Variants in IL34 observed in about 807,000 individuals in gnomAD.
IL34 encodes interleukin 34, also known as interleukin-34.
A neutral mutation model predicts 25.3 loss-of-function variants in IL34; 17 were observed. The ratio of observed to expected loss-of-function variants is 0.67; its 90% CI spans 0.46 to 1.01. IL34 has a LOEUF of 1.01. IL34 is among the 50% of genes least tolerant of loss of function. The pLI, the probability that IL34 is intolerant of heterozygous loss-of-function variation, is 0.00. For missense variants in IL34, 368 were observed against 312.9 expected (o/e 1.18, Z -1.33); for synonymous variants, 174 against 140.9 (o/e 1.23, Z -1.66).
Position 70,660,313 on chromosome 16 carries a change from T to G in IL34, c.*126T>G. 1.2e-6 allele frequency: 1 copy of G among 864,938 alleles called. No homozygotes were observed. Among genetic ancestry groups the G allele is most frequent in the East Asian group, 2.9e-5 (1 of 34,920 alleles). The allele number at this position is 864,938 out of a possible 1,614,324, so 53.6% of individuals were successfully genotyped here. On this transcript the variant is annotated 3_prime_UTR_variant, in exon 6 of 6. Transcript: ENST00000288098. ...GGGAGAGGACCCCTGGGAAGGGTGT[T>G]TTTCCTTTGAGGGGGATTCTGTGCC...
intron 1 of IL34, among the ~76,000 whole-genome samples, chr16:70,636,965 C>T (rs1487613488): frequency 3.3e-5 from 5 of 151,618 alleles, no homozygotes; most frequent in African/African-American, 7.3e-5. Context: ...CTGCAAGTTC[C>T]GCCTCCCAGG....
chr16:70,645,909 C>T (rs986730492), upstream of IL34, among the ~76,000 whole-genome samples: 1 of 152,046 alleles, frequency 6.6e-6, no homozygotes, highest in South Asian at 2.1e-4. Context: ...AAAAATTAGC[C>T]AGGCATGGTA....
chr16:70,630,036 CCTT>C, intron 1 of IL34, among the ~76,000 whole-genome samples: 1 of 152,176 alleles, frequency 6.6e-6, no homozygotes, highest in East Asian at 1.9e-4. Flanking sequence ...TGGTAACTGT[CCTT>C]CTACTCTCTA....
Position 70,590,663 on chromosome 16 carries a change from T to C in IL34, c.-401+10614T>C, listed in dbSNP as rs117065298. Among the ~76,000 whole-genome samples the C allele has an allele frequency of 2.6e-3, 399 of 152,268 alleles. 13 individuals are homozygous for C. In the East Asian group the frequency reaches 0.05, roughly 19 times the overall value. ...CAGGCTTGATCTCAAATCCTCACCA[T>C]AGCCCTGTGCGGTAGGGGCTGTCAA... On this transcript the variant is annotated intron_variant, in intron 1 of 6. Coordinates refer to the IL34 transcript ENST00000429149.
intron 1 of IL34, among the ~76,000 whole-genome samples, chr16:70,620,998 C>G (rs894179949): frequency 6.6e-5 from 10 of 152,030 alleles, no homozygotes; most frequent in Admixed American, 3.3e-4. Context: ...TCCAGAAAAG[C>G]AGAGAAGGGG....
chr16:70,627,532 AGCACAGTGGTGCT>A (rs777750618), intron 1 of IL34, among the ~76,000 whole-genome samples: 21 of 150,056 alleles, frequency 1.4e-4, no homozygotes, highest in Non-Finnish European at 2.5e-4. Context: ...CCCAGGCTAG[AGCACAGTGGTGCT>A]ATCTAGGCTC....
At chr16:70,643,546 A>T (rs1405618368), upstream of IL34, among the ~76,000 whole-genome samples, 1 of 151,922 alleles carries the variant, frequency 6.6e-6, no homozygotes, top group Non-Finnish European at 1.5e-5. Context: ...AATTAAAAAA[A>T]TTTTTGTTGG....
At chr16:70,642,458 C>T (rs1432246571), upstream of IL34, among the ~76,000 whole-genome samples, 4 of 151,924 alleles carry the variant, frequency 2.6e-5, no homozygotes, top group Non-Finnish European at 4.4e-5. Context: ...CCACTGCGCC[C>T]GCCTAATTTT....
intron 1 of IL34, among the ~76,000 whole-genome samples, chr16:70,652,944 C>A (rs2052117588): frequency 6.6e-6 from 1 of 152,184 alleles, no homozygotes; most frequent in Non-Finnish European, 1.5e-5. Flanking sequence ...TGGCTCGTGC[C>A]TGTAAATCCA....
chr16:70,626,653 C>T (rs2051400914), intron 1 of IL34, among the ~76,000 whole-genome samples: 1 of 152,214 alleles, frequency 6.6e-6, no homozygotes, highest in African/African-American at 2.4e-5. Flanking sequence ...ACCTCAGCCT[C>T]CCAAAGTGCT....
intron 1 of IL34, among the ~76,000 whole-genome samples, chr16:70,605,598 A>G (rs2050990514): frequency 6.6e-6 from 1 of 152,254 alleles, no homozygotes; most frequent in East Asian, 1.9e-4. Context: ...TTTATAAGCA[A>G]TTTAAGAAAA....
At chr16:70,599,248 C>G (rs999532351) in intron 1 of IL34, among the ~76,000 whole-genome samples, 3 of 118,040 alleles carry the variant, frequency 2.5e-5, no homozygotes, top group Non-Finnish European at 3.6e-5. Context: ...TGTCTTATAC[C>G]TGTTATGTCA....
chr16:70,639,745 G>A lies in IL34; in HGVS notation c.-400-6803G>A, dbSNP rs73575014. ...CGGGGTCGAGGATTGCTTGAGCCCA[G>A]GAGTTTGAGAGCAGCTTGAGCAACA... On this transcript the variant is annotated intron_variant, in intron 1 of 6. Transcript: ENST00000429149. 7.3e-3 allele frequency among the ~76,000 whole-genome samples: 1,105 copies of A among 152,270 alleles called. 8 individuals are homozygous for A. The highest frequency in any genetic ancestry group is 0.025 in the African/African-American group (1,058 of 41,566).
At chr16:70,591,301 G>A (rs55638004) in intron 1 of IL34, among the ~76,000 whole-genome samples, 2,194 of 152,194 alleles carry the variant, frequency 0.014, 61 homozygotes, top group African/African-American at 0.05. Context: ...TACCATTCCT[G>A]ATGGCAGTGA....
intron 1 of IL34, among the ~76,000 whole-genome samples, chr16:70,623,719 C>G (rs1334190929): frequency 6.6e-6 from 1 of 151,534 alleles, no homozygotes; most frequent in Non-Finnish European, 1.5e-5. Context: ...TAGCTGTAGT[C>G]CAGGAATAGT....
At chr16:70,632,635 G>C (rs1363189121) in intron 1 of IL34, among the ~76,000 whole-genome samples, 1 of 152,156 alleles carries the variant, frequency 6.6e-6, no homozygotes, top group Admixed American at 6.5e-5. Context: ...TCTCTGGGGT[G>C]GTGCTGCACA....
chr16:70,659,696 C>A lies in IL34; in HGVS notation c.481C>A (p.Pro161Thr), dbSNP rs747817502. 5.0e-6 allele frequency: 8 copies of A among 1,612,056 alleles called. No individual in the cohort carries two copies. Among genetic ancestry groups the A allele is most frequent in the Non-Finnish European group, 6.8e-6 (8 of 1,179,236 alleles). Residue 161 changes from proline (P) to threonine (T), a missense_variant, in exon 5 of 6, where the codon CCC becomes ACC. Pro to Thr is a conservative substitution (Grantham distance 38). Transcript: ENST00000288098. ...AGGGCCAAACCTGAAGCTGGTGCGG[C>A]CCAAAGCCCTGCTGGACAACTGCTT... ...APGPNLKLVR[P>T]KALLDNCFRV...
At chr16:70,580,095 C>G (rs1350564453) in intron 1 of IL34, 1 of 152,524 alleles carries the variant, frequency 6.6e-6, no homozygotes, top group African/African-American at 2.4e-5. Context: ...CTTTCCTCTG[C>G]CTCTGACGGC....
intron 1 of IL34, among the ~76,000 whole-genome samples, chr16:70,594,479 ACTT>A (rs765297461): frequency 1.3e-5 from 2 of 152,182 alleles, no homozygotes; most frequent in Non-Finnish European, 2.9e-5. Context: ...GGCTTCCTCT[ACTT>A]CTCATTCCCT....
Sources: allele counts gnomAD v4.1 joint callset (sites outside exome capture counted in the v4.1 genomes callset), GRCh38; gene constraint gnomAD v4.1.1; transcripts MANE v1.5; gene names NCBI Gene and HGNC (gene_info 2026-07-23, HGNC 2026-07-21).